Variants in SP7 observed in about 807,000 individuals in gnomAD.
The protein encoded by SP7 is Sp7 transcription factor.
A neutral mutation model predicts 27.9 loss-of-function variants in SP7; 13 were observed. That is an observed-to-expected ratio of 0.47 (90% CI 0.30 to 0.74). The LOEUF is 0.74. Among genes scored for constraint, SP7 ranks in the 30% least tolerant of loss-of-function variants. The pLI is 0.06. For missense variants in SP7, 525 were observed against 558.0 expected (o/e 0.94, Z 0.60); for synonymous variants, 219 against 226.7 (o/e 0.97, Z 0.31).
At chr12:53,336,629 G>A (rs1944774803), upstream of SP7, among the ~76,000 whole-genome samples, 1 of 152,048 alleles carries the variant, frequency 6.6e-6, no homozygotes, top group African/African-American at 2.4e-5. Flanking sequence ...TGACGCACTG[G>A]AGGCACACGC....
At chr12:53,335,517 T>C (rs1169079850) in intron 2 of SP7, 109 bp downstream of exon 2, 20 of 725,736 alleles carry the variant, frequency 2.8e-5, no homozygotes, top group Non-Finnish European at 5.1e-5. Context: ...ACCCCTGGAA[T>C]TGACAAGCAC....
rs886049656 is a variant in SP7 at position 53,326,985 on chromosome 12, G to T, written c.*1161C>A. ...GCCTTCCCCACCCATTCTTCAGGAG[G>T]TGCACCCCCAAACCAATGTCCTCCT... On this transcript the variant is annotated 3_prime_UTR_variant, in exon 3 of 3. Coordinates refer to ENST00000536324, the MANE Select transcript of SP7 (RefSeq NM_001173467.3). 5.3e-5 allele frequency: 8 copies of T among 152,242 alleles called. No homozygotes were observed. Among genetic ancestry groups the T allele is most frequent in the Non-Finnish European group, 2.9e-5 (2 of 68,064 alleles). The allele number at this position is 152,242 out of a possible 1,614,324, so 9.4% of individuals were successfully genotyped here. A position where few individuals can be genotyped will look rare whatever the true frequency, so the allele number is the denominator to read the frequency against.
intron 1 of SP7, among the ~76,000 whole-genome samples, chr12:53,342,249 G>A (rs79321046): frequency 3.3e-5 from 5 of 151,648 alleles, no homozygotes; most frequent in South Asian, 2.1e-4. Context: ...GAAGACAAGC[G>A]AGACTCCATT....
In SP7 at chr12:53,342,570, C is replaced by A. The variant is rs549024365; in HGVS notation, c.-34+2544G>T. Among the ~76,000 whole-genome samples the A allele has an allele frequency of 3.9e-5, 6 of 152,310 alleles. No homozygotes were observed. In the South Asian group the frequency reaches 1.2e-3, roughly 32 times the overall value. On this transcript the variant is annotated intron_variant, in intron 1 of 1. Transcript: ENST00000547755. ...GTGGCTCACGCCTGTAATTCCAACA[C>A]TGTAGGAGGCCAAGGTGGGTAGATC...
chr12:53,331,198 G>A (rs1168221875), intron 2 of SP7, among the ~76,000 whole-genome samples: 3 of 152,110 alleles, frequency 2.0e-5, no homozygotes, highest in Non-Finnish European at 4.4e-5. Flanking sequence ...CTAGCCAGGC[G>A]CGGTGGCTCA....
At chr12:53,337,071 G>A (rs986314296), upstream of SP7, among the ~76,000 whole-genome samples, 5 of 152,074 alleles carry the variant, frequency 3.3e-5, no homozygotes, top group South Asian at 2.1e-4. Flanking sequence ...CATTCATGCC[G>A]ACACCTAACC....
At chr12:53,339,044 G>A (rs1379627929), upstream of SP7, among the ~76,000 whole-genome samples, 1 of 152,152 alleles carries the variant, frequency 6.6e-6, no homozygotes, top group Non-Finnish European at 1.5e-5. Flanking sequence ...GCCTCCCAGG[G>A]GGTGGGGCAG....
chr12:53,334,173 G>A (rs1030670703), intron 2 of SP7, among the ~76,000 whole-genome samples: 2 of 152,166 alleles, frequency 1.3e-5, no homozygotes, highest in African/African-American at 2.4e-5. Context: ...GCAGCTACGG[G>A]TAGACCCCTG....
intron 2 of SP7, among the ~76,000 whole-genome samples, chr12:53,332,331 C>T (rs1944714809): frequency 1.3e-5 from 2 of 152,186 alleles, no homozygotes; most frequent in African/African-American, 4.8e-5. Flanking sequence ...AATTCCAGCA[C>T]TTTGGGAGGC....
chr12:53,327,985 G>A lies in SP7; in HGVS notation c.*161C>T. The A allele has an allele frequency of 1.5e-6, 1 of 675,232 alleles. No individual in the cohort carries two copies. Among genetic ancestry groups the A allele is most frequent in the South Asian group, 2.0e-5 (1 of 49,738 alleles). 41.8% of individuals were successfully genotyped at this position (675,232 alleles called of 1,614,324 possible). A position where few individuals can be genotyped will look rare whatever the true frequency, so the allele number is the denominator to read the frequency against. On this transcript the variant is annotated 3_prime_UTR_variant, in exon 3 of 3. Coordinates refer to ENST00000536324, the MANE Select transcript of SP7 (RefSeq NM_001173467.3). ...GAGAGAAGGTGAGCTGAGGAGGCAT[G>A]CAAGGAGATACCCAAGCCCAGAATG...
intron 2 of SP7, among the ~76,000 whole-genome samples, chr12:53,332,732 A>C (rs1351442354): frequency 1.3e-5 from 2 of 152,144 alleles, no homozygotes; most frequent in African/African-American, 4.8e-5. Context: ...GGAGTGGAAA[A>C]AAGAAAAGGG....
chr12:53,338,802 G>A (rs868467837), upstream of SP7, among the ~76,000 whole-genome samples: 5 of 152,168 alleles, frequency 3.3e-5, no homozygotes, highest in African/African-American at 1.2e-4. Context: ...AGAGATCAGC[G>A]CCAAAGATAG....
chr12:53,335,705 G>C lies in SP7; in HGVS notation c.-47-12C>G. On this transcript the variant is annotated splice_polypyrimidine_tract_variant and intron_variant, in intron 1 of 2. Transcript: ENST00000536324. Reference sequence around the variant, plus strand: ...GCAGATGGAGAGAGCTGAGCCGGGGGGTGGGGGGGGTAGAGAGAGAAAAGG... The same window carrying C: ...GCAGATGGAGAGAGCTGAGCCGGGGCGTGGGGGGGGTAGAGAGAGAAAAGG... The C allele has an allele frequency of 7.0e-7, 1 of 1,438,808 alleles. No homozygotes were observed. The highest frequency in any genetic ancestry group is 9.3e-7 in the Non-Finnish European group (1 of 1,077,632). 89.1% of individuals were successfully genotyped at this position (1,438,808 alleles called of 1,614,324 possible). A position where few individuals can be genotyped will look rare whatever the true frequency, so the allele number is the denominator to read the frequency against.
At chr12:53,335,297 C>T (rs1249618604) in intron 2 of SP7, among the ~76,000 whole-genome samples, 6 of 151,454 alleles carry the variant, frequency 4.0e-5, no homozygotes, top group Admixed American at 1.3e-4. Flanking sequence ...CCCCCTCGCC[C>T]CCCTCCCCCT....
At chr12:53,332,001 T>A (rs950009860) in intron 2 of SP7, among the ~76,000 whole-genome samples, 1 of 152,110 alleles carries the variant, frequency 6.6e-6, no homozygotes, top group African/African-American at 2.4e-5. Flanking sequence ...TAAGGTCCCG[T>A]TGACTCCCAA....
At position 53,344,649 on chromosome 12, in the gene SP7, G is replaced by T. The variant is rs7953656; in HGVS notation, c.-34+465C>A. On this transcript the variant is annotated intron_variant, in intron 1 of 1. Coordinates refer to the SP7 transcript ENST00000547755. The surrounding 1 kb of genome is among the most constrained non-coding windows in gnomAD (Gnocchi z 4.6). ...TTGAAGCTGAGGCAGGATTTGGGGGGTCTTAGCCCCCAGCCACAGCTGTGG... is the reference window on the plus strand; with the variant it reads ...TTGAAGCTGAGGCAGGATTTGGGGGTTCTTAGCCCCCAGCCACAGCTGTGG... 0.7 allele frequency among the ~76,000 whole-genome samples: 106,156 copies of T among 151,702 alleles called. 37,861 individuals are homozygous for T. The highest frequency in any genetic ancestry group is 1 in the East Asian group (5,106 of 5,124).
At chr12:53,334,594 G>A (rs1276811929) in intron 2 of SP7, among the ~76,000 whole-genome samples, 2 of 152,216 alleles carry the variant, frequency 1.3e-5, no homozygotes, top group East Asian at 1.9e-4. Context: ...GGCTACTGAA[G>A]GGGACTGACT....
At chr12:53,331,897 C>T (rs1169904244) in intron 2 of SP7, among the ~76,000 whole-genome samples, 1 of 152,156 alleles carries the variant, frequency 6.6e-6, no homozygotes, top group South Asian at 2.1e-4. Context: ...GGGCCTGGGG[C>T]CCTGGGGTTG....
chr12:53,336,955 A>G (rs1347055956), upstream of SP7, among the ~76,000 whole-genome samples: 1 of 152,042 alleles, frequency 6.6e-6, no homozygotes, highest in African/African-American at 2.4e-5. Context: ...TGGAGGTGAT[A>G]CCTAGGCCTA....
Sources: gnomAD v4.1 joint callset for allele counts (sites outside exome capture counted in the v4.1 genomes callset) on GRCh38, gnomAD v4.1.1 for gene constraint, Gnocchi (gnomAD v3.1) non-coding constraint, MANE v1.5 for transcripts, NCBI Gene and HGNC (gene_info 2026-07-23, HGNC 2026-07-21) for gene names.